Variants in SHISA9 observed in about 807,000 individuals in gnomAD.
SHISA9 encodes the protein protein shisa-9.
Under a neutral mutation model 38.0 loss-of-function variants are expected in SHISA9, and 13 were observed. The observed-to-expected ratio is 0.34, with a 90% CI of 0.22 to 0.54. The LOEUF (loss-of-function observed/expected upper bound fraction) is 0.54. Ranked by LOEUF, SHISA9 falls within the 20% of genes least tolerant of loss-of-function variation. The pLI, the probability that SHISA9 is intolerant of heterozygous loss-of-function variation, is 0.91. For synonymous variants in SHISA9, 275 were observed against 242.0 expected (o/e 1.14, Z -1.27); for missense variants, 538 against 575.8 (o/e 0.93, Z 0.67).
chr16:13,345,010 G>A, the SHISA9 span, among the ~76,000 whole-genome samples: 3 of 152,150 alleles, frequency 2.0e-5, no homozygotes, highest in Non-Finnish European at 4.4e-5. Flanking sequence ...GGAGAGGGAG[G>A]CCAACCCAGA....
chr16:13,198,990 T>C (rs953468748), intron 2 of SHISA9, among the ~76,000 whole-genome samples: 9 of 152,336 alleles, frequency 5.9e-5, no homozygotes, highest in African/African-American at 1.9e-4. Context: ...TAAAAGCAAA[T>C]ACTTTATAAT....
the SHISA9 span, among the ~76,000 whole-genome samples, chr16:13,349,852 A>G: frequency 1.3e-5 from 2 of 152,214 alleles, no homozygotes; most frequent in African/African-American, 4.8e-5. Context: ...GAAGGGAGGA[A>G]CTAGGTTAAA....
chr16:13,222,743 G>A (rs2051239350), intron 4 of SHISA9, among the ~76,000 whole-genome samples: 2 of 151,602 alleles, frequency 1.3e-5, no homozygotes, highest in African/African-American at 4.9e-5. Flanking sequence ...GTTTTCGCAA[G>A]CCTTGTCTCG....
At chr16:13,498,884 T>C in the SHISA9 span, among the ~76,000 whole-genome samples, 1 of 152,140 alleles carries the variant, frequency 6.6e-6, no homozygotes, top group Non-Finnish European at 1.5e-5. Flanking sequence ...GAGAAGTCAG[T>C]CTGGTTTGTG....
At chr16:12,916,010 T>TG (rs1555500174) in intron 1 of SHISA9, among the ~76,000 whole-genome samples, 13,613 of 116,054 alleles carry the variant, frequency 0.12, 914 homozygotes, top group South Asian at 0.28. Flanking sequence ...TGTGTGTGTG[T>TG]GTTTTTTTTT....
At chr16:12,963,032 C>T (rs944845472) in intron 2 of SHISA9, among the ~76,000 whole-genome samples, 2 of 152,214 alleles carry the variant, frequency 1.3e-5, no homozygotes, top group Non-Finnish European at 2.9e-5. Flanking sequence ...CTCCAGCCTT[C>T]AGGTCCACTC....
intron 2 of SHISA9, among the ~76,000 whole-genome samples, chr16:13,130,399 T>G (rs1240694664): frequency 1.3e-5 from 2 of 151,768 alleles, no homozygotes; most frequent in Non-Finnish European, 2.9e-5. Flanking sequence ...GCTTCATCCC[T>G]AATTCTATGT....
downstream of SHISA9, among the ~76,000 whole-genome samples, chr16:13,242,022 A>T (rs1357683799): frequency 6.6e-6 from 1 of 152,128 alleles, no homozygotes; most frequent in Non-Finnish European, 1.5e-5. Flanking sequence ...AACAACAATA[A>T]TCATAGCAAG....
At chr16:13,029,092 A>G (rs751486788) in intron 2 of SHISA9, among the ~76,000 whole-genome samples, 18 of 152,158 alleles carry the variant, frequency 1.2e-4, no homozygotes, top group Admixed American at 3.9e-4. Context: ...GTGGGCACCT[A>G]GTAGATATAT....
intron 2 of SHISA9, among the ~76,000 whole-genome samples, chr16:13,071,015 T>C (rs192523862): frequency 2.0e-5 from 3 of 152,184 alleles, no homozygotes; most frequent in Admixed American, 2.0e-4. Flanking sequence ...ACCTTTCAGT[T>C]TGAGGAGCTC....
chr16:12,904,195 G>A (rs2071062733), intron 1 of SHISA9, among the ~76,000 whole-genome samples: 1 of 152,192 alleles, frequency 6.6e-6, no homozygotes, highest in African/African-American at 2.4e-5. Flanking sequence ...TCTGTGTTAA[G>A]ATGAGGGGAG....
chr16:13,240,418 G>T (rs1287701927), downstream of SHISA9: 1 of 152,146 alleles, frequency 6.6e-6, no homozygotes, highest in East Asian at 1.9e-4. Flanking sequence ...TATATGTGAG[G>T]CTGTTGGGAT....
At chr16:12,907,368 C>T in intron 1 of SHISA9, among the ~76,000 whole-genome samples, 1 of 148,466 alleles carries the variant, frequency 6.7e-6, no homozygotes, top group African/African-American at 2.5e-5. Context: ...TCATCTTCTT[C>T]CCTTCCTCAT....
In SHISA9 at chr16:12,970,351, GTGTA is replaced by G. The variant is rs1254391903; in HGVS notation, c.691+53538_691+53541del. Among the ~76,000 whole-genome samples the G allele has an allele frequency of 1.1e-3, 48 of 44,876 alleles. 4 individuals are homozygous for G. Among genetic ancestry groups the G allele is most frequent in the South Asian group, 2.4e-3 (5 of 2,096 alleles). The allele number at this position is 44,876 out of a possible 152,430, so 29.4% of individuals were successfully genotyped here. A position where few individuals can be genotyped will look rare whatever the true frequency, so the allele number is the denominator to read the frequency against. ...CATATATATATATATATACATATATGTGTATATATATATATATACATATATATAT... is the reference window on the plus strand; with the variant it reads ...CATATATATATATATATACATATATGTATATATATATATACATATATATAT... On this transcript the variant is annotated intron_variant, in intron 2 of 4. Coordinates refer to ENST00000558583, the MANE Select transcript of SHISA9 (RefSeq NM_001145204.3).
chr16:13,437,605 C>T, the SHISA9 span, among the ~76,000 whole-genome samples: 3 of 152,102 alleles, frequency 2.0e-5, no homozygotes, highest in African/African-American at 4.8e-5. Flanking sequence ...ATAAACAACT[C>T]GGTTACTGTG....
At chr16:13,000,029 A>G (rs1205857395) in intron 2 of SHISA9, among the ~76,000 whole-genome samples, 3 of 152,246 alleles carry the variant, frequency 2.0e-5, no homozygotes, top group Non-Finnish European at 4.4e-5. Flanking sequence ...TATTGGGAAT[A>G]ACAATTTGAC....
At chr16:13,296,612 C>A in the SHISA9 span, among the ~76,000 whole-genome samples, 1 of 151,788 alleles carries the variant, frequency 6.6e-6, no homozygotes, top group Non-Finnish European at 1.5e-5. Context: ...CAATATTATT[C>A]CCTTTTTATA....
intron 2 of SHISA9, among the ~76,000 whole-genome samples, chr16:13,062,564 G>C (rs1403640426): frequency 6.6e-6 from 1 of 152,110 alleles, no homozygotes; most frequent in Non-Finnish European, 1.5e-5. Context: ...GCAGAGAGTA[G>C]TGGGGTTTTG....
intron 2 of SHISA9, chr16:13,082,341 G>A (rs928097550): frequency 6.6e-6 from 1 of 152,150 alleles, no homozygotes; most frequent in Non-Finnish European, 1.5e-5. Context: ...GCTTAATCTA[G>A]TAGTTTAAAG....
Sources: allele counts gnomAD v4.1 joint callset (sites outside exome capture counted in the v4.1 genomes callset), GRCh38; gene constraint gnomAD v4.1.1; transcripts MANE v1.5; gene names NCBI Gene and HGNC (gene_info 2026-07-23, HGNC 2026-07-21).